SUSD4: variants seen among roughly 807,000 people sequenced by gnomAD.
The protein encoded by SUSD4 is sushi domain containing 4, also known as sushi domain-containing protein 4.
In SUSD4, 41 loss-of-function variants were observed where a neutral mutation model predicts 50.5. The observed-to-expected ratio is 0.81, with a 90% CI of 0.63 to 1.05. SUSD4 has a LOEUF of 1.05. SUSD4 is among the 50% of genes least tolerant of loss of function. SUSD4 has a pLI of 0.00. For missense variants in SUSD4, 580 were observed against 634.7 expected (o/e 0.91, Z 0.93); for synonymous variants, 257 against 257.3 (o/e 1.00, Z 0.01).
chr1:223,318,038 T>C (rs1666331776), intron 2 of SUSD4, among the ~76,000 whole-genome samples: 1 of 76,408 alleles, frequency 1.3e-5, no homozygotes, highest in African/African-American at 5.1e-5. Flanking sequence ...CCCCAGAGTG[T>C]GATATTCCCC....
chr1:223,351,054 C>G (rs763549003), intron 2 of SUSD4, among the ~76,000 whole-genome samples: 1 of 152,204 alleles, frequency 6.6e-6, no homozygotes, highest in Non-Finnish European at 1.5e-5. Context: ...ATAGATTTAA[C>G]TTATTTAATT....
At chr1:223,285,373 C>T (rs1032300344) in intron 3 of SUSD4, among the ~76,000 whole-genome samples, 5 of 152,170 alleles carry the variant, frequency 3.3e-5, no homozygotes, top group African/African-American at 1.2e-4. Context: ...ACTGCTGCCT[C>T]TCTGAATCCC....
intron 1 of SUSD4, chr1:223,363,727 G>T: frequency 3.2e-6 from 1 of 316,408 alleles, no homozygotes; most frequent in Non-Finnish European, 5.8e-6. Flanking sequence ...CATTGGCTCC[G>T]CGCCGGTCCC....
At chr1:223,233,913 T>C (rs1054149630) in intron 5 of SUSD4, among the ~76,000 whole-genome samples, 3 of 152,208 alleles carry the variant, frequency 2.0e-5, no homozygotes, top group Admixed American at 6.5e-5. Flanking sequence ...TCAGTGGTTA[T>C]AGGCAGAATC....
chr1:223,361,864 C>A (rs1320764503), intron 2 of SUSD4, among the ~76,000 whole-genome samples: 1 of 152,204 alleles, frequency 6.6e-6, no homozygotes, highest in Non-Finnish European at 1.5e-5. Flanking sequence ...TCTATTCCCA[C>A]TCATATGTGA....
chr1:223,313,409 T>C (rs368051623), intron 2 of SUSD4, among the ~76,000 whole-genome samples: 5 of 152,166 alleles, frequency 3.3e-5, no homozygotes, highest in Non-Finnish European at 4.4e-5. Flanking sequence ...AAGATTTGCA[T>C]TTGGGACCCT....
At position 223,223,621 on chromosome 1, in the gene SUSD4, G is replaced by C. The variant is rs376362698; in HGVS notation, c.1072C>G (p.Arg358Gly). ...AAGTCAGGGTCACTGCTGGAACTCCGGGGAGGCCCCCTGTGTAAAGGAAAG... is the reference window on the plus strand; with the variant it reads ...AAGTCAGGGTCACTGCTGGAACTCCCGGGAGGCCCCCTGTGTAAAGGAAAG... ...KAHFPPRGPP[R>G]SSSSDPDFVV... is the part of the protein sequence containing the mutation. The change falls in exon 8 of 9, where the codon CGG becomes GGG. Residue 358 changes from arginine to glycine, a missense_variant. Physicochemically the swap from Arg to Gly is moderately radical, Grantham distance 125. Coordinates refer to ENST00000366878, the MANE Select transcript of SUSD4 (RefSeq NM_017982.4). The C allele has an allele frequency of 1.2e-6, 2 of 1,604,846 alleles. No individual in the cohort carries two copies. Among genetic ancestry groups the C allele is most frequent in the Non-Finnish European group, 8.5e-7 (1 of 1,174,446 alleles).
intron 5 of SUSD4, among the ~76,000 whole-genome samples, chr1:223,262,704 T>A (rs1662205957): frequency 6.6e-6 from 1 of 152,172 alleles, no homozygotes; most frequent in Non-Finnish European, 1.5e-5. Context: ...CTTTGTACCT[T>A]TAGCCAGTGT....
At chr1:223,272,448 T>C (rs1662983179) in intron 3 of SUSD4, among the ~76,000 whole-genome samples, 1 of 152,228 alleles carries the variant, frequency 6.6e-6, no homozygotes, top group Non-Finnish European at 1.5e-5. Context: ...ATTGCATATT[T>C]ATACCCAAGT....
intron 2 of SUSD4, among the ~76,000 whole-genome samples, chr1:223,310,983 C>T (rs561081851): frequency 3.3e-5 from 5 of 152,298 alleles, no homozygotes; most frequent in South Asian, 4.1e-4. Context: ...TGAGAAGTGG[C>T]GTTCACTCTG....
intron 2 of SUSD4, among the ~76,000 whole-genome samples, chr1:223,357,477 T>C (rs558939004): frequency 5.3e-5 from 8 of 152,368 alleles, no homozygotes; most frequent in Admixed American, 1.3e-4. Context: ...CATGCCCCAC[T>C]TGTAAGCCAG....
At chr1:223,295,018 A>G (rs17539006) in intron 2 of SUSD4, among the ~76,000 whole-genome samples, 7,045 of 152,278 alleles carry the variant, frequency 0.046, 256 homozygotes, top group Non-Finnish European at 0.069. Flanking sequence ...ATTGAAACAT[A>G]TATTTATGAA....
At chr1:223,243,439 T>G (rs1454860477) in intron 5 of SUSD4, among the ~76,000 whole-genome samples, 1 of 152,208 alleles carries the variant, frequency 6.6e-6, no homozygotes, top group Non-Finnish European at 1.5e-5. Context: ...CCCTTCCATC[T>G]GTCCAGCTCT....
intron 2 of SUSD4, among the ~76,000 whole-genome samples, chr1:223,294,339 A>G (rs1335236237): frequency 6.6e-6 from 1 of 152,196 alleles, no homozygotes; most frequent in African/African-American, 2.4e-5. Context: ...TGCAAGGTTT[A>G]CCTGGTTCCC....
chr1:223,317,194 C>A (rs538112534), intron 2 of SUSD4, among the ~76,000 whole-genome samples: 3 of 152,156 alleles, frequency 2.0e-5, no homozygotes, highest in Non-Finnish European at 4.4e-5. Context: ...CCAGCTAAAA[C>A]CCACCAAAAC....
intron 5 of SUSD4, among the ~76,000 whole-genome samples, chr1:223,261,326 T>G (rs951694084): frequency 6.6e-6 from 1 of 152,206 alleles, no homozygotes; most frequent in Non-Finnish European, 1.5e-5. Flanking sequence ...TAGATTGTAA[T>G]CAGAACATGT....
At chr1:223,280,111 G>A (rs559088567) in intron 3 of SUSD4, among the ~76,000 whole-genome samples, 77 of 152,222 alleles carry the variant, frequency 5.1e-4, no homozygotes, top group Non-Finnish European at 7.8e-4. Context: ...AGGAACAACC[G>A]GTACCAGCCA....
chr1:223,342,823 T>C (rs140965544), intron 2 of SUSD4, among the ~76,000 whole-genome samples: 81 of 152,218 alleles, frequency 5.3e-4, no homozygotes, highest in African/African-American at 1.9e-3. Flanking sequence ...TGGCAAAAAC[T>C]TTCTAAGCCT....
intron 2 of SUSD4, among the ~76,000 whole-genome samples, chr1:223,331,310 G>C (rs75451892): frequency 0.02 from 3,096 of 152,288 alleles, 109 homozygotes; most frequent in African/African-American, 0.071. Context: ...CAGCATCACA[G>C]AGAGACCTGC....
Sources: gnomAD v4.1 joint callset for allele counts (sites outside exome capture counted in the v4.1 genomes callset) on GRCh38, gnomAD v4.1.1 for gene constraint, MANE v1.5 for transcripts, NCBI Gene and HGNC (gene_info 2026-07-23, HGNC 2026-07-21) for gene names.